CAST: variants seen among roughly 807,000 people sequenced by gnomAD.
CAST encodes the protein calpastatin.
In CAST, 76 loss-of-function variants were observed where a neutral mutation model predicts 119.6. The observed-to-expected ratio is 0.64, with a 90% confidence interval of 0.53 to 0.77. The LOEUF is 0.77. Among genes scored for constraint, CAST ranks in the 30% least tolerant of loss-of-function variants. CAST has a pLI of 0.00. For synonymous variants in CAST, 319 were observed against 331.6 expected (o/e 0.96, Z 0.41); for missense variants, 953 against 946.5 (o/e 1.01, Z -0.09).
chr5:96,334,349 T>C, the CAST span, among the ~76,000 whole-genome samples: 3 of 152,144 alleles, frequency 2.0e-5, no homozygotes, highest in Non-Finnish European at 4.4e-5. Flanking sequence ...GAAAGGTCCA[T>C]TTAAAGGCTG....
the CAST span, among the ~76,000 whole-genome samples, chr5:96,040,632 A>G: frequency 1.3e-5 from 2 of 152,146 alleles, no homozygotes; most frequent in African/African-American, 4.8e-5. Context: ...TGAGATAATC[A>G]TGTGGTTTTT....
At chr5:96,708,808 A>C (rs1755534168) in intron 3 of CAST, among the ~76,000 whole-genome samples, 8 of 152,264 alleles carry the variant, frequency 5.3e-5, no homozygotes, top group Admixed American at 5.2e-4. Flanking sequence ...AGGATAAACA[A>C]GTTCTGGGAT....
At chr5:96,743,763 A>C in intron 16 of CAST, 1 of 1,483,816 alleles carries the variant, frequency 6.7e-7, no homozygotes, top group Middle Eastern at 1.7e-4. Context: ...TATTGGGAAG[A>C]AGGGAAACTT....
chr5:96,533,216 C>T (rs954260150), intron 1 of CAST, among the ~76,000 whole-genome samples: 3 of 151,988 alleles, frequency 2.0e-5, no homozygotes, highest in African/African-American at 7.3e-5. Flanking sequence ...TATGCAAGGA[C>T]TCAGAAAAAT....
intron 1 of CAST, among the ~76,000 whole-genome samples, chr5:96,625,502 G>T (rs183251261): frequency 6.6e-6 from 1 of 152,138 alleles, no homozygotes; most frequent in African/African-American, 2.4e-5. Flanking sequence ...GGAGTCTTGG[G>T]CATTTCCCCT....
At chr5:96,349,139 A>ATTTTTT in the CAST span, among the ~76,000 whole-genome samples, 67 of 89,612 alleles carry the variant, frequency 7.5e-4, 1 homozygote, top group East Asian at 9.6e-4. Flanking sequence ...CAAGGACACT[A>ATTTTTT]TTTTTTTTTT....
At chr5:96,021,783 T>G in the CAST span, among the ~76,000 whole-genome samples, 1 of 152,222 alleles carries the variant, frequency 6.6e-6, no homozygotes, top group African/African-American at 2.4e-5. Flanking sequence ...AGTTTGTTTT[T>G]GAAGTTTGTA....
At chr5:96,482,436 G>T in the CAST span, among the ~76,000 whole-genome samples, 2 of 151,468 alleles carry the variant, frequency 1.3e-5, no homozygotes, top group Non-Finnish European at 2.9e-5. Flanking sequence ...AATGAAAATT[G>T]TCTCTTATTC....
At chr5:96,498,099 C>G in the CAST span, among the ~76,000 whole-genome samples, 1 of 152,226 alleles carries the variant, frequency 6.6e-6, no homozygotes. Context: ...ATTTTCCCAG[C>G]ACCATTTATT....
chr5:96,434,961 T>C, the CAST span, among the ~76,000 whole-genome samples: 1 of 152,240 alleles, frequency 6.6e-6, no homozygotes, highest in Non-Finnish European at 1.5e-5. Flanking sequence ...TGGAATGGGC[T>C]CCGATTGATA....
the CAST span, among the ~76,000 whole-genome samples, chr5:96,291,439 T>C: frequency 6.6e-6 from 1 of 152,210 alleles, no homozygotes; most frequent in African/African-American, 2.4e-5. Flanking sequence ...GGTCCTCCAT[T>C]CTACAAGATG....
chr5:96,358,239 G>T, the CAST span, among the ~76,000 whole-genome samples: 1 of 151,806 alleles, frequency 6.6e-6, no homozygotes, highest in Non-Finnish European at 1.5e-5. Flanking sequence ...TTATTAATCT[G>T]GCTGGTGGTC....
At chr5:96,699,605 G>A (rs190224971) in intron 3 of CAST, among the ~76,000 whole-genome samples, 3 of 152,266 alleles carry the variant, frequency 2.0e-5, no homozygotes, top group Non-Finnish European at 4.4e-5. Flanking sequence ...ATTTCCTGGT[G>A]GGCAGCAGCC....
At chr5:96,353,400 T>C in the CAST span, among the ~76,000 whole-genome samples, 4 of 152,190 alleles carry the variant, frequency 2.6e-5, no homozygotes, top group Non-Finnish European at 5.9e-5. Flanking sequence ...CCTCCTTCCT[T>C]ATCCTGCTGT....
In CAST at chr5:96,544,893, C is replaced by G. The variant is rs140414480; in HGVS notation, c.60+15013C>G. Among the ~76,000 whole-genome samples, 569 of 150,232 alleles carry G rather than the reference C, an allele frequency of 3.8e-3. 4 individuals are homozygous for G. The highest frequency in any genetic ancestry group is 0.028 in the Middle Eastern group (8 of 286). The stretch of plus-strand genomic sequence containing the variant: ...CTTTAAATATAAAAACCCAGATAGA[C>G]TAAAAGTAAAGTTATGAAGAGAGAT... On this transcript the variant is annotated intron_variant, in intron 1 of 11. Transcript: ENST00000505143.
chr5:96,659,589 G>A (rs190459689), upstream of CAST, among the ~76,000 whole-genome samples: 231 of 152,250 alleles, frequency 1.5e-3, no homozygotes, highest in African/African-American at 4.8e-3. Context: ...AGTGCAATGG[G>A]ACAATCTTGG....
the CAST span, among the ~76,000 whole-genome samples, chr5:96,130,904 T>C: frequency 6.6e-6 from 1 of 152,080 alleles, no homozygotes; most frequent in African/African-American, 2.4e-5. Context: ...TGCAGAAAAA[T>C]GGACAATCTC....
At chr5:96,662,863 G>A in intron 1 of CAST, 1 of 565,308 alleles carries the variant, frequency 1.8e-6, no homozygotes, top group Non-Finnish European at 3.1e-6. Flanking sequence ...GTAGTCTTCC[G>A]CGCTAAGGCC....
At chr5:96,373,994 C>A in the CAST span, among the ~76,000 whole-genome samples, 1 of 152,088 alleles carries the variant, frequency 6.6e-6, no homozygotes, top group Non-Finnish European at 1.5e-5. Context: ...GATGTTTTGC[C>A]TGTTCTGATT....
Sources: allele counts gnomAD v4.1 joint callset (sites outside exome capture counted in the v4.1 genomes callset), GRCh38; gene constraint gnomAD v4.1.1; transcripts MANE v1.5; gene names NCBI Gene and HGNC (gene_info 2026-07-23, HGNC 2026-07-21).